The following RYR2 variants were observed in gnomAD, a reference collection of about 807,000 sequenced individuals.
The protein encoded by RYR2 is cardiac muscle ryanodine receptor-calcium release channel.
Under a neutral mutation model 601.1 loss-of-function variants are expected in RYR2, and 227 were observed. That is an observed-to-expected ratio of 0.38 (90% CI 0.34 to 0.42). The LOEUF is 0.42. RYR2 is among the 10% of genes least tolerant of loss of function. RYR2 has a pLI of 1.00. For missense variants in RYR2, 4,646 were observed against 6,156.5 expected (o/e 0.75, Z 8.21); for synonymous variants, 2,223 against 2,175.1 (o/e 1.02, Z -0.61).
chr1:237,167,889 T>C (rs1049488933), intron 1 of RYR2, among the ~76,000 whole-genome samples: 1 of 152,098 alleles, frequency 6.6e-6, no homozygotes, highest in African/African-American at 2.4e-5. Context: ...ACTATGCCAG[T>C]CCATAAGTAG....
intron 64 of RYR2, among the ~76,000 whole-genome samples, chr1:237,699,664 G>A (rs1687789698): frequency 6.6e-6 from 1 of 152,310 alleles, no homozygotes; most frequent in Non-Finnish European, 1.5e-5. Flanking sequence ...TTGCGTTTAA[G>A]ATTTCATTTA....
At position 237,388,149 on chromosome 1, in the gene RYR2, G is replaced by A. The variant is rs1261194692; in HGVS notation, c.739G>A (p.Val247Ile). Residue 247 changes from valine (V) to isoleucine (I), a missense_variant, in exon 10 of 105, where the codon GTC (valine) becomes ATC (isoleucine). By Grantham distance (29) the Val-to-Ile change is conservative. This residue lies in a region of RYR2 where 87 missense variants were observed against 144.7 expected (regional missense o/e 0.60). Transcript: ENST00000366574. ...LHGHMDECLT[V>I]PSGEHGEEQR... ...TGGACACATGGACGAGTGTCTCACT[G>A]TCCCTTCAGGAGAACATGGTGAAGA... 1 of 1,613,952 alleles carries A rather than the reference G, an allele frequency of 6.2e-7. No individual in the cohort carries two copies. Among genetic ancestry groups the A allele is most frequent in the Non-Finnish European group, 8.5e-7 (1 of 1,179,888 alleles).
chr1:237,183,782 C>T (rs1679042135), intron 1 of RYR2, among the ~76,000 whole-genome samples: 1 of 152,104 alleles, frequency 6.6e-6, no homozygotes, highest in African/African-American at 2.4e-5. Context: ...TAGAGACTGA[C>T]CTTTGCTAAA....
At chr1:237,654,175 C>T in intron 51 of RYR2, 99 bp from the exon 52 acceptor site, 3 of 1,429,960 alleles carry the variant, frequency 2.1e-6, no homozygotes, top group Non-Finnish European at 2.9e-6. Context: ...CTTCAGATGA[C>T]CTTATAATGT....
At chr1:237,652,764 G>C (rs986807024) in intron 51 of RYR2, among the ~76,000 whole-genome samples, 13 of 152,208 alleles carry the variant, frequency 8.5e-5, no homozygotes, top group Admixed American at 3.9e-4. Context: ...GTCTCATGCT[G>C]TTACCCTTAT....
At chr1:237,646,529 G>A (rs1682176199) in intron 48 of RYR2, among the ~76,000 whole-genome samples, 1 of 152,124 alleles carries the variant, frequency 6.6e-6, no homozygotes, top group South Asian at 2.1e-4. Context: ...TCACCAAGTA[G>A]CAGTAATAAT....
Position 237,668,569 on chromosome 1 carries a change from T to C in RYR2, c.8590+611T>C, listed in dbSNP as rs573794715. On this transcript the variant is annotated intron_variant, in intron 58 of 104. Coordinates refer to ENST00000366574, the MANE Select transcript of RYR2 (RefSeq NM_001035.3). ...TGTGTGCGCGCATATGCGCTGTCGT[T>C]AATGACTTCCTATATGGTTTTCTTT... is the stretch of plus-strand genomic sequence containing the variant. 6.6e-5 allele frequency among the ~76,000 whole-genome samples: 10 copies of C among 152,396 alleles called. No individual in the cohort carries two copies. In the East Asian group the frequency reaches 1.7e-3, roughly 26 times the overall value.
At chr1:237,240,689 A>AAAC (rs1686072471) in intron 1 of RYR2, among the ~76,000 whole-genome samples, 1 of 148,686 alleles carries the variant, frequency 6.7e-6, no homozygotes, top group Non-Finnish European at 1.5e-5. Context: ...AAAAAAAAAA[A>AAAC]CAGTGGGTCA....
At chr1:237,748,645 G>T (rs529645440) in intron 80 of RYR2, among the ~76,000 whole-genome samples, 1 of 152,252 alleles carries the variant, frequency 6.6e-6, no homozygotes, top group South Asian at 2.1e-4. Context: ...TGGGCTGGGG[G>T]GTCCTGGCCT....
intron 1 of RYR2, among the ~76,000 whole-genome samples, chr1:237,094,597 C>G (rs141482755): frequency 6.6e-6 from 1 of 152,010 alleles, no homozygotes; most frequent in Non-Finnish European, 1.5e-5. Flanking sequence ...TTTTTTGAGA[C>G]GGAGTCTCGC....
intron 45 of RYR2, 104 bp from the exon 46 acceptor site, chr1:237,638,911 G>A: frequency 2.3e-6 from 3 of 1,328,118 alleles, no homozygotes; most frequent in Non-Finnish European, 3.1e-6. Flanking sequence ...ATATTGTTGG[G>A]TTTTAGTTAT....
At chr1:237,087,331 G>A (rs1020245071) in intron 1 of RYR2, among the ~76,000 whole-genome samples, 1 of 151,978 alleles carries the variant, frequency 6.6e-6, no homozygotes, top group African/African-American at 2.4e-5. Context: ...TCCAGGTTTA[G>A]GACATACTGC....
chr1:237,343,413 G>A (rs768075132), intron 3 of RYR2, among the ~76,000 whole-genome samples: 3 of 152,168 alleles, frequency 2.0e-5, no homozygotes, highest in Non-Finnish European at 4.4e-5. Context: ...GAGTAACCAC[G>A]TTCTAGATTC....
At chr1:237,505,907 G>C (rs555566385) in intron 22 of RYR2, among the ~76,000 whole-genome samples, 1 of 152,118 alleles carries the variant, frequency 6.6e-6, no homozygotes, top group Non-Finnish European at 1.5e-5. Flanking sequence ...TTTCTTTTCT[G>C]TGAAGCTTAT....
intron 15 of RYR2, among the ~76,000 whole-genome samples, chr1:237,456,194 A>G (rs1275801153): frequency 6.6e-6 from 1 of 152,212 alleles, no homozygotes; most frequent in East Asian, 1.9e-4. Flanking sequence ...AAAATGCATT[A>G]CAGCATTTTT....
intron 12 of RYR2, among the ~76,000 whole-genome samples, chr1:237,438,789 A>G (rs936527858): frequency 4.6e-5 from 7 of 152,236 alleles, no homozygotes; most frequent in African/African-American, 1.7e-4. Context: ...GCAGCCACCT[A>G]CCAATCACGC....
chr1:237,463,140 C>G (rs1299952405), intron 16 of RYR2, among the ~76,000 whole-genome samples: 47 of 151,964 alleles, frequency 3.1e-4, no homozygotes, highest in Non-Finnish European at 1.5e-5. Flanking sequence ...ACTTGTTAAT[C>G]TCAATATTTT....
At chr1:237,517,905 T>C (rs1276974680) in intron 24 of RYR2, among the ~76,000 whole-genome samples, 1 of 152,148 alleles carries the variant, frequency 6.6e-6, no homozygotes, top group African/African-American at 2.4e-5. Flanking sequence ...TGCTTAGATA[T>C]TGCAAATGTA....
Position 237,511,802 on chromosome 1 carries a change from T to C in RYR2, c.2822+11T>C. The C allele has an allele frequency of 8.1e-7, 1 of 1,240,220 alleles. No individual in the cohort carries two copies. The highest frequency in any genetic ancestry group is 1.1e-6 in the Non-Finnish European group (1 of 928,036). The allele number at this position is 1,240,220 out of a possible 1,614,324, so 76.8% of individuals were successfully genotyped here. A position where few individuals can be genotyped will look rare whatever the true frequency, so the allele number is the denominator to read the frequency against. ...GCTTGAGACCCTGAAGTGAGTTTCTTAACTTTTTCTATTTTCCAACCTGCC... is the reference window on the plus strand; with the variant it reads ...GCTTGAGACCCTGAAGTGAGTTTCTCAACTTTTTCTATTTTCCAACCTGCC... On this transcript the variant is annotated intron_variant, in intron 24 of 104. Transcript: ENST00000366574.
Sources: allele counts gnomAD v4.1 joint callset (sites outside exome capture counted in the v4.1 genomes callset), GRCh38; gene constraint gnomAD v4.1.1; regional missense constraint gnomAD v4.1.1; transcripts MANE v1.5; gene names NCBI Gene and HGNC (gene_info 2026-07-23, HGNC 2026-07-21).